Variants in SUCO observed in about 807,000 individuals in gnomAD.
SUCO encodes SUN domain containing ossification factor, also known as SUN domain-containing ossification factor.
A neutral mutation model predicts 148.1 loss-of-function variants in SUCO; 57 were observed. The observed-to-expected ratio is 0.38, with a 90% confidence interval of 0.31 to 0.48. The LOEUF is 0.48. Ranked by LOEUF, SUCO falls within the 20% of genes least tolerant of loss-of-function variation. The probability of loss-of-function intolerance (pLI) is 0.96; values close to 1 mark genes in which losing one functional copy is unlikely to be tolerated. For synonymous variants in SUCO, 470 were observed against 502.7 expected, an observed-to-expected ratio of 0.93 and a Z score of 0.87; for missense variants, 1,331 against 1,468.2, an observed-to-expected ratio of 0.91 and a Z score of 1.53.
chr1:172,557,416 A>G lies in SUCO; in HGVS notation c.580A>G (p.Ser194Gly). ...ACCTTCCTTTGTCAGTCCACCTGACAGGTGGGTAGGAGCAGTTGTTTGTCC... is the reference window on the plus strand; with the variant it reads ...ACCTTCCTTTGTCAGTCCACCTGACGGGTGGGTAGGAGCAGTTGTTTGTCC... ...EQPSFVSPPDSLVGQHIENVS... is the reference protein window; with the variant it reads ...EQPSFVSPPDGLVGQHIENVS... Residue 194 changes from serine (S) to glycine (G), a missense_variant and splice_region_variant, in exon 5 of 24, where the codon AGC (serine) becomes GGC (glycine). By Grantham distance (56) the Ser-to-Gly change is moderately conservative. Coordinates refer to ENST00000263688, the MANE Select transcript of SUCO (RefSeq NM_014283.5). 6.2e-7 allele frequency: 1 copy of G among 1,613,910 alleles called. No individual in the cohort carries two copies. Among genetic ancestry groups the G allele is most frequent in the African/African-American group, 1.3e-5 (1 of 75,036 alleles).
At chr1:172,544,180 G>C in intron 1 of SUCO, 1 of 958,854 alleles carries the variant, frequency 1.0e-6, no homozygotes, top group Non-Finnish European at 1.2e-6. Flanking sequence ...CTATATTTCT[G>C]TACAAGGGAT....
chr1:172,532,732 G>C (rs1352491031), upstream of SUCO: 1 of 1,613,964 alleles, frequency 6.2e-7, no homozygotes, highest in Admixed American at 1.7e-5. Context: ...AGAGAAAAAC[G>C]AATTCTGGAA....
chr1:172,566,822 C>G (rs1322710798), intron 6 of SUCO, among the ~76,000 whole-genome samples: 1 of 152,200 alleles, frequency 6.6e-6, no homozygotes, highest in Non-Finnish European at 1.5e-5. Context: ...GCATGTCTTA[C>G]AGAAACTGCT....
At chr1:172,588,475 A>T in intron 17 of SUCO, 1 of 985,232 alleles carries the variant, frequency 1.0e-6, no homozygotes, top group Non-Finnish European at 1.2e-6. Context: ...ATTCACTTAG[A>T]AACAATTCTT....
intron 6 of SUCO, among the ~76,000 whole-genome samples, chr1:172,559,053 A>G (rs920322681): frequency 6.6e-6 from 1 of 152,218 alleles, no homozygotes; most frequent in Non-Finnish European, 1.5e-5. Flanking sequence ...AGTTTTATGT[A>G]GTATCTACTT....
Position 172,569,032 on chromosome 1 carries a change from C to T in SUCO, c.746C>T (p.Thr249Ile). The T allele has an allele frequency of 6.3e-7, 1 of 1,579,638 alleles. No homozygotes were observed. The highest frequency in any genetic ancestry group is 8.5e-7 in the Non-Finnish European group (1 of 1,170,300). ...DNLKNESSDY[T>I]KPGDIDPTSV... ...TGTTTCTTTCAGAGCTCTGATTATA[C>T]AAAACCAGGAGACATTGACCCTACA... The change falls in exon 7 of 24, where the codon ACA becomes ATA. Residue 249 changes from threonine (T) to isoleucine (I), a missense_variant. This residue lies in a region of SUCO where 992 missense variants were observed against 1,093.5 expected (regional missense o/e 0.91). Coordinates refer to ENST00000263688, the MANE Select transcript of SUCO (RefSeq NM_014283.5).
At chr1:172,594,557 C>G (rs1299077267) in intron 19 of SUCO, among the ~76,000 whole-genome samples, 1 of 152,150 alleles carries the variant, frequency 6.6e-6, no homozygotes, top group Non-Finnish European at 1.5e-5. Context: ...CATTCAGGAG[C>G]AGATTGTTCA....
At chr1:172,600,615 G>A (rs966054824) in intron 20 of SUCO, among the ~76,000 whole-genome samples, 5 of 152,068 alleles carry the variant, frequency 3.3e-5, no homozygotes, top group African/African-American at 9.7e-5. Flanking sequence ...TTTACGTCCT[G>A]GGGGAGGGAT....
In SUCO at chr1:172,577,567, A is replaced by G. The variant is rs759556680; in HGVS notation, c.1284+8A>G. 48 of 1,610,962 alleles carry G rather than the reference A, an allele frequency of 3.0e-5. 1 individual carries two copies. In the South Asian group the frequency reaches 3.6e-4, roughly 12 times the overall value. ...TTCATCAAGTACATAAAGGTTAGCA[A>G]CCTTCTCTTTTGCACTATTAAATAA... is the stretch of plus-strand genomic sequence containing the variant. On this transcript the variant is annotated splice_region_variant and intron_variant, in intron 12 of 23. Transcript: ENST00000263688.
At chr1:172,553,114 C>T (rs529654703) in intron 2 of SUCO, 146 bp from the exon 3 acceptor site, 1 of 854,074 alleles carries the variant, frequency 1.2e-6, no homozygotes, top group South Asian at 2.7e-5. Context: ...AGACAATAAT[C>T]TTGTATACAA....
rs532731395 is a variant in SUCO at position 172,609,736 on chromosome 1, T to C, written c.3322-80T>C. On this transcript the variant is annotated intron_variant, in intron 23 of 23. Transcript: ENST00000263688. ...TTTTCACCAGGAGGTGGCACTTCTC[T>C]ATTAGCTCAGCTCTCTAGGTGTTTG... The C allele has an allele frequency of 5.1e-5, 78 of 1,520,496 alleles. No individual in the cohort carries two copies. In the South Asian group the frequency reaches 7.9e-4, roughly 15 times the overall value. 94.2% of individuals were successfully genotyped at this position (1,520,496 alleles called of 1,614,324 possible).
chr1:172,572,763 TC>T (rs923411719), intron 9 of SUCO, among the ~76,000 whole-genome samples: 1 of 149,116 alleles, frequency 6.7e-6, no homozygotes, highest in African/African-American at 2.5e-5. Context: ...GTATGTTTCT[TC>T]TGGGTGACTG....
At chr1:172,602,009 T>C (rs1657561324) in intron 20 of SUCO, 55 bp from the exon 21 acceptor site, 1 of 1,511,562 alleles carries the variant, frequency 6.6e-7, no homozygotes, top group South Asian at 1.3e-5. Context: ...GATACCCTTA[T>C]ATTTTTCCTA....
Position 172,589,336 on chromosome 1 carries a change from T to G in SUCO, c.2235T>G (p.Pro745=), listed in dbSNP as rs150654022. The change falls in exon 18 of 24, where the codon CCT becomes CCG. Residue 745 remains proline (P), a synonymous_variant. Transcript: ENST00000263688. The stretch of plus-strand genomic sequence containing the variant: ...TTACCCCAGAAATCAATCCCTTGCC[T>G]AAAATAGAAGTATCTGAGTCTGTTG... ...LDITPEINPL[P]KIEVSESVEY... is the part of the protein sequence containing the mutation. The G allele has an allele frequency of 1.2e-6, 2 of 1,613,372 alleles. No individual in the cohort carries two copies. Among genetic ancestry groups the G allele is most frequent in the Non-Finnish European group, 1.7e-6 (2 of 1,179,752 alleles).
At chr1:172,593,046 A>G (rs866063082) in intron 19 of SUCO, among the ~76,000 whole-genome samples, 3 of 151,130 alleles carry the variant, frequency 2.0e-5, no homozygotes, top group South Asian at 2.1e-4. Flanking sequence ...ATTGTGAATG[A>G]GAGTTCACTC....
rs760708427 is a variant in SUCO, at chr1:172,589,001, T to C, written c.1900T>C (p.Tyr634His). The change falls in exon 18 of 24, where the codon TAT becomes CAT. Residue 634 changes from tyrosine to histidine, a missense_variant. Physicochemically the swap from Tyr to His is moderately conservative, Grantham distance 83 (BLOSUM62 2). Coordinates refer to ENST00000263688, the MANE Select transcript of SUCO (RefSeq NM_014283.5). ...TATTTCTAGTTTTTCAGAATACATA[T>C]ATAAATGGTGTTCAGTTAGAGTTGC... Reference protein sequence around the residue: ...CCISSFSEYIYKWCSVRVALY... With the variant: ...CCISSFSEYIHKWCSVRVALY... The C allele has an allele frequency of 3.2e-5, 51 of 1,612,740 alleles. No homozygotes were observed. The highest frequency in any genetic ancestry group is 4.1e-5 in the Non-Finnish European group (48 of 1,179,514).
upstream of SUCO, chr1:172,532,579 A>C: frequency 6.2e-7 from 1 of 1,613,852 alleles, no homozygotes; most frequent in Non-Finnish European, 8.5e-7. Context: ...CCCTCACAAC[A>C]CACACGTCAT....
At chr1:172,571,427 C>A (rs377469289) in intron 9 of SUCO, among the ~76,000 whole-genome samples, 6 of 152,150 alleles carry the variant, frequency 3.9e-5, no homozygotes, top group African/African-American at 1.2e-4. Context: ...ACCTCCCAGC[C>A]GCCTGCCTTG....
At chr1:172,569,472 A>G (rs966431804) in intron 7 of SUCO, 10 of 981,860 alleles carry the variant, frequency 1.0e-5, no homozygotes, top group Non-Finnish European at 1.2e-5. Flanking sequence ...ACTTGCATAA[A>G]ATCCTTGGGT....
Sources: gnomAD v4.1 joint callset for allele counts (sites outside exome capture counted in the v4.1 genomes callset) on GRCh38, gnomAD v4.1.1 for gene constraint, gnomAD v4.1.1 regional missense constraint, MANE v1.5 for transcripts, NCBI Gene and HGNC (gene_info 2026-07-23, HGNC 2026-07-21) for gene names.